DPYD: variants seen among roughly 807,000 people sequenced by gnomAD.
The protein encoded by DPYD is dihydropyrimidine dehydrogenase [NADP(+)].
A neutral mutation model predicts 116.2 loss-of-function variants in DPYD; 109 were observed. The ratio of observed to expected loss-of-function variants is 0.94; its 90% confidence interval spans 0.80 to 1.10. The LOEUF (loss-of-function observed/expected upper bound fraction) is 1.10. Among genes scored for constraint, DPYD ranks in the 50% least tolerant of loss-of-function variants. The pLI is 0.00. For synonymous variants in DPYD, 440 were observed against 432.0 expected, an observed-to-expected ratio of 1.02 and a Z score of -0.23; for missense variants, 1,302 against 1,254.5, an observed-to-expected ratio of 1.04 and a Z score of -0.57.
chr1:97,686,383 T>C (rs1660727362), intron 7 of DPYD, among the ~76,000 whole-genome samples: 1 of 151,906 alleles, frequency 6.6e-6, no homozygotes, highest in Admixed American at 6.6e-5. Context: ...ACGCCTGTAA[T>C]CCCAGCACTT....
At chr1:97,384,794 C>A (rs1283728953) in intron 14 of DPYD, among the ~76,000 whole-genome samples, 1 of 151,808 alleles carries the variant, frequency 6.6e-6, no homozygotes, top group East Asian at 1.9e-4. Context: ...ATTCGCAGAC[C>A]ATTAGTCACA....
At chr1:97,271,487 C>T (rs1664579852) in intron 18 of DPYD, among the ~76,000 whole-genome samples, 1 of 152,076 alleles carries the variant, frequency 6.6e-6, no homozygotes, top group Admixed American at 6.6e-5. Context: ...CAAAGCCTCA[C>T]CTGTCCTCTT....
chr1:97,647,809 T>G (rs1045582948), intron 8 of DPYD, among the ~76,000 whole-genome samples: 1 of 152,046 alleles, frequency 6.6e-6, no homozygotes, highest in Non-Finnish European at 1.5e-5. Flanking sequence ...CAAGGCTGTA[T>G]GATAACCAAA....
At chr1:97,393,782 T>C (rs35675942) in intron 14 of DPYD, among the ~76,000 whole-genome samples, 26,162 of 152,166 alleles carry the variant, frequency 0.17, 2,901 homozygotes, top group Non-Finnish European at 0.25. Context: ...AGCAGCATGA[T>C]TTATAATCCT....
intron 1 of DPYD, among the ~76,000 whole-genome samples, chr1:97,901,344 G>C (rs1308738723): frequency 1.3e-5 from 2 of 151,770 alleles, no homozygotes; most frequent in Non-Finnish European, 2.9e-5. Flanking sequence ...TTTTGCGCTG[G>C]TGCAGCTACA....
intron 20 of DPYD, among the ~76,000 whole-genome samples, chr1:97,183,203 TC>T (rs1310214263): frequency 1.3e-5 from 2 of 152,104 alleles, no homozygotes; most frequent in Non-Finnish European, 2.9e-5. Context: ...TTGCTGTGAA[TC>T]TAAAACTCTA....
intron 14 of DPYD, among the ~76,000 whole-genome samples, chr1:97,411,224 C>T (rs1557694156): frequency 6.6e-6 from 1 of 152,176 alleles, no homozygotes; most frequent in Non-Finnish European, 1.5e-5. Context: ...TCATCTCCTT[C>T]AGTACTGCAT....
intron 8 of DPYD, among the ~76,000 whole-genome samples, chr1:97,650,067 T>C (rs1233145403): frequency 6.6e-6 from 1 of 152,112 alleles, no homozygotes; most frequent in African/African-American, 2.4e-5. Flanking sequence ...TTCTTTTCTT[T>C]GTTCTCTCAA....
At chr1:97,154,207 G>A (rs1325695192) in intron 20 of DPYD, among the ~76,000 whole-genome samples, 2 of 152,138 alleles carry the variant, frequency 1.3e-5, no homozygotes, top group Non-Finnish European at 1.5e-5. Context: ...CATGTTTATA[G>A]CAGCAGAATT....
intron 20 of DPYD, among the ~76,000 whole-genome samples, chr1:97,189,701 A>C (rs1414991741): frequency 6.6e-6 from 1 of 152,190 alleles, no homozygotes; most frequent in Non-Finnish European, 1.5e-5. Context: ...AATCTTCACA[A>C]GCCCATAGTT....
chr1:97,551,330 A>G (rs1651306142), intron 11 of DPYD, among the ~76,000 whole-genome samples: 1 of 152,160 alleles, frequency 6.6e-6, no homozygotes, highest in South Asian at 2.1e-4. Context: ...ACAGATCATC[A>G]CTACCATCTG....
At chr1:97,455,030 A>G (rs1570760010) in intron 13 of DPYD, among the ~76,000 whole-genome samples, 1 of 151,936 alleles carries the variant, frequency 6.6e-6, no homozygotes, top group African/African-American at 2.4e-5. Flanking sequence ...AAAGCAATAT[A>G]TTATTTAGTG....
At chr1:97,584,239 T>G (rs562862177) in intron 10 of DPYD, among the ~76,000 whole-genome samples, 2 of 152,128 alleles carry the variant, frequency 1.3e-5, no homozygotes, top group African/African-American at 4.8e-5. Flanking sequence ...TTCATATCCT[T>G]TGCCCACTTT....
Position 97,920,985 on chromosome 1 carries a change from CAG to C in DPYD, c.-65_-64del, listed in dbSNP as rs895228862. ...CCTCCTTGCGTCCTCAAGCTCCAGC[CAG>C]AGAGCCAAGTGACAGCAGCCGGAGC... On this transcript the variant is annotated 5_prime_UTR_variant, in exon 1 of 23. Coordinates refer to ENST00000370192, the MANE Select transcript of DPYD (RefSeq NM_000110.4). 8.2e-5 allele frequency: 127 copies of C among 1,549,244 alleles called. No individual in the cohort carries two copies. The highest frequency in any genetic ancestry group is 6.8e-4 in the South Asian group (57 of 84,144).
chr1:97,582,047 C>CGTATCT (rs1349150896), intron 10 of DPYD, among the ~76,000 whole-genome samples: 5 of 152,056 alleles, frequency 3.3e-5, no homozygotes, highest in Non-Finnish European at 7.4e-5. Context: ...TTTGGCATGG[C>CGTATCT]GTATCTGTTA....
Position 97,078,655 on chromosome 1 carries a change from T to G in DPYD, c.*321A>C. Reference sequence around the variant, plus strand: ...AATATGGAGCACAGCATAGGGCAATTTGGAAACTGTCACACTAATTGCCAC... The same window carrying G: ...AATATGGAGCACAGCATAGGGCAATGTGGAAACTGTCACACTAATTGCCAC... On this transcript the variant is annotated 3_prime_UTR_variant, in exon 23 of 23. Coordinates refer to ENST00000370192, the MANE Select transcript of DPYD (RefSeq NM_000110.4). The G allele has an allele frequency of 2.7e-6, 1 of 364,498 alleles. No individual in the cohort carries two copies. The highest frequency in any genetic ancestry group is 5.2e-6 in the Non-Finnish European group (1 of 190,850). The allele number at this position is 364,498 out of a possible 1,614,324, so 22.6% of individuals were successfully genotyped here. A position where few individuals can be genotyped will look rare whatever the true frequency, so the allele number is the denominator to read the frequency against.
chr1:97,298,062 A>G (rs1666637584), intron 18 of DPYD, among the ~76,000 whole-genome samples: 1 of 152,210 alleles, frequency 6.6e-6, no homozygotes, highest in African/African-American at 2.4e-5. Context: ...TGTTTCAGAT[A>G]CTTAACTGTG....
chr1:97,331,490 C>G (rs948835487), intron 16 of DPYD, among the ~76,000 whole-genome samples: 1 of 151,876 alleles, frequency 6.6e-6, no homozygotes, highest in Non-Finnish European at 1.5e-5. Context: ...AAACAAACAA[C>G]CCCCCTGCCA....
intron 3 of DPYD, among the ~76,000 whole-genome samples, chr1:97,742,266 T>C (rs192716893): frequency 1.3e-5 from 2 of 152,230 alleles, no homozygotes; most frequent in East Asian, 3.9e-4. Context: ...ATGAAAACAA[T>C]ACCAGTCTCC....
Sources: allele counts gnomAD v4.1 joint callset (sites outside exome capture counted in the v4.1 genomes callset), GRCh38; gene constraint gnomAD v4.1.1; transcripts MANE v1.5; gene names NCBI Gene and HGNC (gene_info 2026-07-23, HGNC 2026-07-21).